The following R3HDM1 variants were observed in gnomAD, a reference collection of about 807,000 sequenced individuals.
The protein encoded by R3HDM1 is R3H domain containing 1.
A neutral mutation model predicts 141.1 loss-of-function variants in R3HDM1; 46 were observed. The ratio of observed to expected loss-of-function variants is 0.33; its 90% CI spans 0.26 to 0.42. The LOEUF (loss-of-function observed/expected upper bound fraction) is 0.42. R3HDM1 is among the 10% of genes least tolerant of loss of function. The probability of loss-of-function intolerance (pLI) is 1.00; values close to 1 mark genes in which losing one functional copy is unlikely to be tolerated. For synonymous variants in R3HDM1, 435 were observed against 472.9 expected (o/e 0.92, Z 1.04); for missense variants, 1,184 against 1,368.3 (o/e 0.87, Z 2.12).
chr2:135,716,745 A>C (rs963901820), intron 24 of R3HDM1, among the ~76,000 whole-genome samples: 6 of 152,136 alleles, frequency 3.9e-5, no homozygotes, highest in Non-Finnish European at 8.8e-5. Flanking sequence ...CAAGGTTAGG[A>C]GTTCAAGACC....
chr2:135,613,098 C>T (rs2060689664), intron 3 of R3HDM1, among the ~76,000 whole-genome samples: 1 of 152,184 alleles, frequency 6.6e-6, no homozygotes, highest in Non-Finnish European at 1.5e-5. Context: ...TAAAAGACAA[C>T]ACCCATTATC....
chr2:135,699,939 CAT>C (rs563831755), intron 21 of R3HDM1, among the ~76,000 whole-genome samples: 406 of 152,220 alleles, frequency 2.7e-3, no homozygotes, highest in Non-Finnish European at 4.3e-3. Flanking sequence ...TAGGCTAAAA[CAT>C]ATAGTTAGCA....
At chr2:135,700,711 T>A (rs1368589787) in intron 21 of R3HDM1, among the ~76,000 whole-genome samples, 3 of 152,168 alleles carry the variant, frequency 2.0e-5, no homozygotes, top group Non-Finnish European at 4.4e-5. Flanking sequence ...AAAAATAATT[T>A]GAAATAGCAG....
intron 1 of R3HDM1, among the ~76,000 whole-genome samples, chr2:135,543,775 C>G: frequency 6.6e-6 from 1 of 152,166 alleles, no homozygotes; most frequent in Non-Finnish European, 1.5e-5. Context: ...CTTTTGCATT[C>G]ACTCTGATAT....
intron 21 of R3HDM1, among the ~76,000 whole-genome samples, chr2:135,706,514 G>A (rs1419375007): frequency 6.6e-6 from 1 of 152,112 alleles, no homozygotes; most frequent in Non-Finnish European, 1.5e-5. Context: ...CCTAGGCAGA[G>A]GACCCTGCGG....
chr2:135,625,473 A>G (rs1010378872), intron 7 of R3HDM1, among the ~76,000 whole-genome samples: 1 of 152,208 alleles, frequency 6.6e-6, no homozygotes, highest in African/African-American at 2.4e-5. Context: ...TAATTAAAAT[A>G]AAATAACAGA....
intron 1 of R3HDM1, among the ~76,000 whole-genome samples, chr2:135,552,109 A>G (rs1263168633): frequency 1.3e-5 from 2 of 152,230 alleles, no homozygotes; most frequent in Non-Finnish European, 2.9e-5. Flanking sequence ...AAGATTTAAT[A>G]GTAAAATATA....
intron 24 of R3HDM1, among the ~76,000 whole-genome samples, chr2:135,718,336 G>A (rs1167488989): frequency 6.6e-6 from 1 of 152,086 alleles, no homozygotes; most frequent in Admixed American, 6.6e-5. Flanking sequence ...TGATTGTATT[G>A]TATGTTAATT....
At chr2:135,701,920 C>A (rs545363434) in intron 21 of R3HDM1, among the ~76,000 whole-genome samples, 1 of 152,244 alleles carries the variant, frequency 6.6e-6, no homozygotes, top group African/African-American at 2.4e-5. Context: ...TGTTTTTAAA[C>A]AGCTCTATTG....
intron 17 of R3HDM1, chr2:135,651,360 A>T (rs1459076124): frequency 8.1e-6 from 8 of 983,912 alleles, no homozygotes; most frequent in Non-Finnish European, 8.4e-6. Flanking sequence ...TGGTCTTTGA[A>T]GTCCTTTCAG....
At chr2:135,566,509 CAT>C (rs1369734857) in intron 1 of R3HDM1, 1 of 153,894 alleles carries the variant, frequency 6.5e-6, no homozygotes, top group African/African-American at 2.4e-5. Flanking sequence ...TGTAGATTCA[CAT>C]AAAATAAGCT....
At chr2:135,629,100 T>G (rs1238444424) in intron 7 of R3HDM1, among the ~76,000 whole-genome samples, 1 of 151,982 alleles carries the variant, frequency 6.6e-6, no homozygotes, top group Non-Finnish European at 1.5e-5. Flanking sequence ...GTGGATCACC[T>G]TAGGTCGGGA....
At chr2:135,561,546 G>A (rs1046719214) in intron 1 of R3HDM1, among the ~76,000 whole-genome samples, 1 of 151,888 alleles carries the variant, frequency 6.6e-6, no homozygotes, top group Non-Finnish European at 1.5e-5. Flanking sequence ...GCAAAAACCC[G>A]TCTCCACTAA....
At position 135,638,946 on chromosome 2, in the gene R3HDM1, C is replaced by G. The variant is rs114219457; in HGVS notation, c.1043C>G (p.Thr348Ser). The G allele has an allele frequency of 3.1e-4, 501 of 1,614,086 alleles. 1 individual carries two copies. In the African/African-American group the frequency reaches 6.2e-3, roughly 20 times the overall value. Reference protein sequence around the residue: ...GRSTNSHQSSTENELKYSEPR... With the variant: ...GRSTNSHQSSSENELKYSEPR... The stretch of plus-strand genomic sequence containing the variant: ...TCTACAAATAGCCATCAAAGCAGCA[C>G]TGAGAATGAGTTGAAGTACTCGGAA... The change falls in exon 14 of 27, where the codon ACT becomes AGT. Residue 348 changes from threonine to serine, a missense_variant. Thr to Ser is a moderately conservative substitution (Grantham distance 58). Coordinates refer to ENST00000683871, the MANE Select transcript of R3HDM1 (RefSeq NM_001378107.1).
chr2:135,699,028 TA>T (rs2073766360), intron 21 of R3HDM1, among the ~76,000 whole-genome samples: 3 of 118,416 alleles, frequency 2.5e-5, no homozygotes, highest in South Asian at 4.8e-4. Flanking sequence ...GATAGATAGA[TA>T]GATAGATAGA....
At chr2:135,550,148 G>T in intron 1 of R3HDM1, 1 of 983,612 alleles carries the variant, frequency 1.0e-6, no homozygotes, top group Non-Finnish European at 1.2e-6. Flanking sequence ...GTCATTCTAT[G>T]TTACACGAAC....
At chr2:135,551,493 AAAC>A (rs1434029208) in intron 1 of R3HDM1, among the ~76,000 whole-genome samples, 2 of 152,196 alleles carry the variant, frequency 1.3e-5, no homozygotes, top group African/African-American at 2.4e-5. Context: ...AATGAAAAAA[AAAC>A]AGTGCAACAG....
At chr2:135,677,297 C>T (rs773842602) in intron 20 of R3HDM1, among the ~76,000 whole-genome samples, 22 of 152,286 alleles carry the variant, frequency 1.4e-4, no homozygotes, top group Middle Eastern at 3.4e-3. Flanking sequence ...TTTCCATCTT[C>T]ATTTTCTCTC....
At chr2:135,696,069 T>C (rs555117067) in intron 21 of R3HDM1, among the ~76,000 whole-genome samples, 6 of 152,240 alleles carry the variant, frequency 3.9e-5, no homozygotes, top group African/African-American at 9.6e-5. Context: ...GAAAAATGAA[T>C]ACTAGAAGAA....
Sources: gnomAD v4.1 joint callset for allele counts (sites outside exome capture counted in the v4.1 genomes callset) on GRCh38, gnomAD v4.1.1 for gene constraint, MANE v1.5 for transcripts, NCBI Gene and HGNC (gene_info 2026-07-23, HGNC 2026-07-21) for gene names.